The following TMIGD1 variants were observed in gnomAD, a reference collection of about 807,000 sequenced individuals.
TMIGD1 encodes the protein transmembrane and immunoglobulin domain containing 1.
A neutral mutation model predicts 27.5 loss-of-function variants in TMIGD1; 29 were observed. That is an observed-to-expected ratio of 1.05 (90% CI 0.78 to 1.44). The LOEUF (loss-of-function observed/expected upper bound fraction) is 1.44, where lower values mean the gene tolerates loss of function less well. Ranked by LOEUF, TMIGD1 falls within the 40% of genes most tolerant of loss-of-function variation. The probability of loss-of-function intolerance (pLI) is 0.00; values close to 1 mark genes in which losing one functional copy is unlikely to be tolerated. For missense variants in TMIGD1, 334 were observed against 310.6 expected (o/e 1.08, Z -0.57); for synonymous variants, 109 against 110.3 (o/e 0.99, Z 0.07).
At chr17:30,323,965 C>T (rs1260238359) in intron 4 of TMIGD1, among the ~76,000 whole-genome samples, 1 of 152,370 alleles carries the variant, frequency 6.6e-6, no homozygotes, top group Non-Finnish European at 1.5e-5. Flanking sequence ...CATAACTCTT[C>T]CCCTCAAGGG....
intron 5 of TMIGD1, among the ~76,000 whole-genome samples, chr17:30,317,513 C>A (rs926602584): frequency 1.3e-5 from 2 of 152,134 alleles, no homozygotes; most frequent in African/African-American, 4.8e-5. Flanking sequence ...AATCCCAGAA[C>A]TTTGGGAGGC....
At chr17:30,333,034 G>A (rs536360200) in intron 1 of TMIGD1, among the ~76,000 whole-genome samples, 3 of 152,106 alleles carry the variant, frequency 2.0e-5, no homozygotes, top group East Asian at 3.9e-4. Flanking sequence ...GTCAAGGTCG[G>A]GATTTGAACC....
chr17:30,328,835 G>T (rs1304078559), intron 3 of TMIGD1, among the ~76,000 whole-genome samples: 1 of 151,676 alleles, frequency 6.6e-6, no homozygotes, highest in African/African-American at 2.4e-5. Context: ...ATGGTAGTGG[G>T]CACCTGCAGT....
chr17:30,331,798 C>G (rs1019960429), intron 2 of TMIGD1, among the ~76,000 whole-genome samples: 2 of 152,082 alleles, frequency 1.3e-5, no homozygotes, highest in Admixed American at 6.5e-5. Context: ...CCGTGTTAGC[C>G]AGGATGGTCT....
At chr17:30,329,220 C>A in intron 3 of TMIGD1, 31 bp downstream of exon 3, 2 of 1,604,896 alleles carry the variant, frequency 1.2e-6, no homozygotes, top group Non-Finnish European at 1.7e-6. Context: ...ACATTACAGA[C>A]CCACTAGCTG....
chr17:30,319,175 G>A lies in TMIGD1; in HGVS notation c.641-262C>T, dbSNP rs71372217. Among the ~76,000 whole-genome samples, 1,080 of 148,234 alleles carry A rather than the reference G, an allele frequency of 7.3e-3. 9 individuals carry two copies. Among genetic ancestry groups the A allele is most frequent in the Non-Finnish European group, 0.011 (708 of 67,382 alleles). On this transcript the variant is annotated intron_variant, in intron 4 of 6. Transcript: ENST00000328886. ...TCCCAGCACTTTGGAAGGTTGAGGCGGGCAGATCACTTGACGTCAGGAGTT... is the reference window on the plus strand; with the variant it reads ...TCCCAGCACTTTGGAAGGTTGAGGCAGGCAGATCACTTGACGTCAGGAGTT...
At chr17:30,332,946 C>T (rs779492212) in intron 1 of TMIGD1, among the ~76,000 whole-genome samples, 8 of 152,206 alleles carry the variant, frequency 5.3e-5, no homozygotes, top group Non-Finnish European at 1.2e-4. Flanking sequence ...AATTAAGCCT[C>T]CTAACAACCC....
At chr17:30,327,610 A>C (rs1909830017) in intron 3 of TMIGD1, among the ~76,000 whole-genome samples, 1 of 151,748 alleles carries the variant, frequency 6.6e-6, no homozygotes, top group South Asian at 2.1e-4. Context: ...CCCAGGTTGA[A>C]ATGCAGTGGC....
chr17:30,325,148 C>T, intron 3 of TMIGD1, 54 bp from the exon 4 acceptor site: 2 of 1,538,690 alleles, frequency 1.3e-6, no homozygotes, highest in Non-Finnish European at 1.8e-6. Context: ...AGTTCACTGT[C>T]AGAGTTCAAA....
At chr17:30,329,114 G>T in intron 3 of TMIGD1, 137 bp downstream of exon 3, 1 of 957,700 alleles carries the variant, frequency 1.0e-6, no homozygotes, top group Non-Finnish European at 1.5e-6. Flanking sequence ...GAGGGTGAGG[G>T]GAAATAGGTA....
intron 5 of TMIGD1, among the ~76,000 whole-genome samples, chr17:30,318,555 A>T (rs1017562655): frequency 6.6e-6 from 1 of 152,130 alleles, no homozygotes; most frequent in African/African-American, 2.4e-5. Flanking sequence ...TCAGCCCCCA[A>T]TTGCCTACCC....
At chr17:30,320,312 A>G (rs1482491575) in intron 4 of TMIGD1, among the ~76,000 whole-genome samples, 1 of 152,140 alleles carries the variant, frequency 6.6e-6, no homozygotes, top group Non-Finnish European at 1.5e-5. Context: ...CTTGGATTAC[A>G]GGTATGAGCC....
intron 4 of TMIGD1, among the ~76,000 whole-genome samples, chr17:30,321,763 C>T (rs1909628860): frequency 6.6e-6 from 1 of 152,136 alleles, no homozygotes; most frequent in Non-Finnish European, 1.5e-5. Context: ...TCCCTATATA[C>T]CTTAAGATTA....
chr17:30,326,290 T>C (rs542678870), intron 3 of TMIGD1, among the ~76,000 whole-genome samples: 4 of 152,350 alleles, frequency 2.6e-5, no homozygotes, highest in South Asian at 2.1e-4. Context: ...AATTTAAGCA[T>C]ATCAGTATAT....
chr17:30,330,765 A>G (rs1433270726), intron 2 of TMIGD1, among the ~76,000 whole-genome samples: 1 of 152,186 alleles, frequency 6.6e-6, no homozygotes, highest in Non-Finnish European at 1.5e-5. Flanking sequence ...ATAGTAATAC[A>G]CCTGAATTTC....
At chr17:30,332,453 G>A (rs556814931) in intron 1 of TMIGD1, among the ~76,000 whole-genome samples, 39 of 152,302 alleles carry the variant, frequency 2.6e-4, no homozygotes, top group African/African-American at 9.1e-4. Flanking sequence ...GAAACTGATA[G>A]AATTTCATTT....
chr17:30,329,170 A>G, intron 3 of TMIGD1, 81 bp downstream of exon 3: 1 of 1,541,452 alleles, frequency 6.5e-7, no homozygotes, highest in South Asian at 1.2e-5. Flanking sequence ...ATTTGGCAAT[A>G]CCAAGACCTA....
intron 1 of TMIGD1, among the ~76,000 whole-genome samples, chr17:30,333,793 C>T (rs994497439): frequency 3.3e-5 from 5 of 152,108 alleles, no homozygotes; most frequent in Admixed American, 6.5e-5. Context: ...TTTTCTCAAG[C>T]GCTCTGCACT....
intron 1 of TMIGD1, among the ~76,000 whole-genome samples, chr17:30,332,583 A>G (rs1910015724): frequency 6.6e-6 from 1 of 152,172 alleles, no homozygotes; most frequent in Admixed American, 6.5e-5. Context: ...AGAGTTTTTG[A>G]GACTACTCCA....
Sources: allele counts gnomAD v4.1 joint callset (sites outside exome capture counted in the v4.1 genomes callset), GRCh38; gene constraint gnomAD v4.1.1; transcripts MANE v1.5; gene names NCBI Gene and HGNC (gene_info 2026-07-23, HGNC 2026-07-21).